Variants in RNF150 observed in about 807,000 individuals in gnomAD.
The protein encoded by RNF150 is ring finger protein 150.
RNF150 carries 24 observed loss-of-function variants against 39.3 expected under a neutral mutation model. That is an observed-to-expected ratio of 0.61 (90% CI 0.44 to 0.86). RNF150 has a LOEUF of 0.86. RNF150 is among the 40% of genes least tolerant of loss of function. The pLI is 0.00. For synonymous variants in RNF150, 255 were observed against 227.3 expected, an observed-to-expected ratio of 1.12 and a Z score of -1.10; for missense variants, 502 against 587.8, an observed-to-expected ratio of 0.85 and a Z score of 1.51.
intron 1 of RNF150, among the ~76,000 whole-genome samples, chr4:141,057,837 G>A (rs1406991443): frequency 1.3e-5 from 2 of 152,146 alleles, no homozygotes; most frequent in Non-Finnish European, 2.9e-5. Flanking sequence ...AACCCCATGT[G>A]CAGAAGCCCT....
At chr4:140,909,168 C>G (rs1730501032) in intron 6 of RNF150, among the ~76,000 whole-genome samples, 1 of 152,144 alleles carries the variant, frequency 6.6e-6, no homozygotes, top group Admixed American at 6.5e-5. Flanking sequence ...ATTTAGTCCT[C>G]TGGGGCACAA....
chr4:140,875,777 T>A (rs1236290193), intron 6 of RNF150, among the ~76,000 whole-genome samples: 1 of 152,178 alleles, frequency 6.6e-6, no homozygotes, highest in Non-Finnish European at 1.5e-5. Flanking sequence ...TTCTATTAAC[T>A]TGACATGATA....
intron 1 of RNF150, among the ~76,000 whole-genome samples, chr4:141,170,401 T>G (rs1231400531): frequency 4.6e-5 from 7 of 152,198 alleles, no homozygotes; most frequent in African/African-American, 1.4e-4. Flanking sequence ...TGGCTGAAGG[T>G]TGCCTCTAGA....
At chr4:141,117,704 T>C (rs1282143888) in intron 1 of RNF150, among the ~76,000 whole-genome samples, 5 of 152,234 alleles carry the variant, frequency 3.3e-5, no homozygotes, top group African/African-American at 1.2e-4. Flanking sequence ...GTTTTGCTTT[T>C]AACCATCTGT....
chr4:140,869,792 T>C (rs1464749532), intron 6 of RNF150, among the ~76,000 whole-genome samples: 1 of 152,146 alleles, frequency 6.6e-6, no homozygotes, highest in African/African-American at 2.4e-5. Flanking sequence ...TAGGGAGCTG[T>C]GGGCAGGCAG....
At chr4:140,994,273 G>C (rs1395336938) in intron 1 of RNF150, among the ~76,000 whole-genome samples, 1 of 152,220 alleles carries the variant, frequency 6.6e-6, no homozygotes, top group Non-Finnish European at 1.5e-5. Flanking sequence ...GCTGCAGCCA[G>C]ATCTCTCCAC....
chr4:141,188,136 G>A (rs1300636590), intron 1 of RNF150, among the ~76,000 whole-genome samples: 1 of 152,136 alleles, frequency 6.6e-6, no homozygotes, highest in African/African-American at 2.4e-5. Context: ...GAAATTCTGG[G>A]TTGAAAATTC....
chr4:140,975,174 T>G (rs1038928190), intron 1 of RNF150, among the ~76,000 whole-genome samples: 2 of 152,098 alleles, frequency 1.3e-5, no homozygotes, highest in East Asian at 1.9e-4. Context: ...GAGGATGACT[T>G]GAGCCTGGTA....
chr4:141,040,386 T>C (rs1000730342), intron 1 of RNF150, among the ~76,000 whole-genome samples: 5 of 152,274 alleles, frequency 3.3e-5, no homozygotes, highest in African/African-American at 1.2e-4. Flanking sequence ...AAAAGGTGTA[T>C]CACTTTGTGC....
chr4:140,906,905 T>C (rs2111262698), intron 6 of RNF150, among the ~76,000 whole-genome samples: 1 of 152,170 alleles, frequency 6.6e-6, no homozygotes, highest in African/African-American at 2.4e-5. Context: ...GTAAGGGGAA[T>C]AAGGAAATGA....
At chr4:140,979,603 C>A (rs970437782) in intron 1 of RNF150, among the ~76,000 whole-genome samples, 3 of 151,476 alleles carry the variant, frequency 2.0e-5, no homozygotes, top group African/African-American at 7.3e-5. Flanking sequence ...TAGTATGAAA[C>A]CTGCATTTAG....
At position 141,132,731 on chromosome 4, in the gene RNF150, C is replaced by T; in HGVS notation, c.78G>A (p.Leu26=). The T allele has an allele frequency of 6.2e-7, 1 of 1,610,792 alleles. No homozygotes were observed. Among genetic ancestry groups the T allele is most frequent in the South Asian group, 1.1e-5 (1 of 91,044 alleles). Reference sequence around the variant, plus strand: ...CGGCCACGGTAAAGTCCAGGCAGAGCAGATGCACGAAACAAAAGGAAAGCA... The same window carrying T: ...CGGCCACGGTAAAGTCCAGGCAGAGTAGATGCACGAAACAAAAGGAAAGCA... ...TWLLSFCFVH[L]LCLDFTVAEK... The change falls in exon 1 of 7, where the codon CTG becomes CTA. Residue 26 remains leucine, a synonymous_variant. Transcript: ENST00000515673. The surrounding 1 kb of genome is among the most constrained non-coding windows in gnomAD (Gnocchi z 4.9).
At chr4:141,037,420 T>C (rs1736187048) in intron 1 of RNF150, among the ~76,000 whole-genome samples, 1 of 152,178 alleles carries the variant, frequency 6.6e-6, no homozygotes, top group South Asian at 2.1e-4. Flanking sequence ...AAGAATAAAT[T>C]TCCTTAAGAA....
chr4:140,911,159 T>C lies in RNF150; in HGVS notation c.1183A>G (p.Ile395Val). ...TDPIPQEGDVIFTTNSEQEPA... is the reference protein window; with the variant it reads ...TDPIPQEGDVVFTTNSEQEPA... ...CAGAACTCACTGTTAGTAGTAAAGATGACGTCTCCCTCCTGGGGGATGGGG... is the reference window on the plus strand; with the variant it reads ...CAGAACTCACTGTTAGTAGTAAAGACGACGTCTCCCTCCTGGGGGATGGGG... The change falls in exon 6 of 7, where the codon ATC becomes GTC. Residue 395 changes from isoleucine (I) to valine (V), a missense_variant. Physicochemically the swap from Ile to Val is conservative, Grantham distance 29. Transcript: ENST00000515673. 1 of 1,613,942 alleles carries C rather than the reference T, an allele frequency of 6.2e-7. No homozygotes were observed. Among genetic ancestry groups the C allele is most frequent in the South Asian group, 1.1e-5 (1 of 91,070 alleles).
At chr4:141,146,620 T>A (rs538137070) in intron 1 of RNF150, among the ~76,000 whole-genome samples, 8 of 152,152 alleles carry the variant, frequency 5.3e-5, no homozygotes, top group East Asian at 3.9e-4. Context: ...ATTGAAGAGT[T>A]TAAAAAAAAG....
chr4:140,940,983 C>T (rs1282426134), intron 4 of RNF150, among the ~76,000 whole-genome samples: 1 of 152,038 alleles, frequency 6.6e-6, no homozygotes, highest in Non-Finnish European at 1.5e-5. Flanking sequence ...CTGAGCTAAG[C>T]CCCAATTTTG....
chr4:141,172,336 G>A (rs1234823919), intron 1 of RNF150, among the ~76,000 whole-genome samples: 1 of 152,136 alleles, frequency 6.6e-6, no homozygotes, highest in Non-Finnish European at 1.5e-5. Context: ...CATGTCATTA[G>A]CCAAAGGAAG....
chr4:141,059,528 T>C (rs181727167), intron 1 of RNF150, among the ~76,000 whole-genome samples: 64 of 152,298 alleles, frequency 4.2e-4, no homozygotes, highest in African/African-American at 1.4e-3. Context: ...TCCTGCATTT[T>C]TTTTTAGAAT....
At chr4:141,149,934 G>C (rs1560760165) in intron 1 of RNF150, among the ~76,000 whole-genome samples, 1 of 152,158 alleles carries the variant, frequency 6.6e-6, no homozygotes, top group Non-Finnish European at 1.5e-5. Flanking sequence ...ATTCTTGCAG[G>C]AGTGAGTCAG....
Sources: gnomAD v4.1 joint callset for allele counts (sites outside exome capture counted in the v4.1 genomes callset) on GRCh38, gnomAD v4.1.1 for gene constraint, Gnocchi (gnomAD v3.1) non-coding constraint, MANE v1.5 for transcripts, NCBI Gene and HGNC (gene_info 2026-07-23, HGNC 2026-07-21) for gene names.